CERT1: variants seen among roughly 807,000 people sequenced by gnomAD.
CERT1 encodes the protein ceramide transporter 1.
Under a neutral mutation model 87.9 loss-of-function variants are expected in CERT1, and 31 were observed. The observed-to-expected ratio is 0.35, with a 90% CI of 0.27 to 0.48. CERT1 has a LOEUF of 0.48. Among genes scored for constraint, CERT1 ranks in the 20% least tolerant of loss-of-function variants. The pLI is 0.99. For missense variants in CERT1, 487 were observed against 758.0 expected (o/e 0.64, Z 4.20); for synonymous variants, 289 against 250.9 (o/e 1.15, Z -1.44).
chr5:75,387,706 C>A (rs899295790), intron 12 of CERT1, among the ~76,000 whole-genome samples: 3 of 150,850 alleles, frequency 2.0e-5, no homozygotes, highest in African/African-American at 7.3e-5. Context: ...CATGCCATTG[C>A]ACTCCAGCCT....
At chr5:75,465,322 T>C (rs1765413766) in intron 2 of CERT1, among the ~76,000 whole-genome samples, 1 of 152,224 alleles carries the variant, frequency 6.6e-6, no homozygotes, top group African/African-American at 2.4e-5. Context: ...GGATATCTGA[T>C]AATTTCCAAA....
intron 2 of CERT1, among the ~76,000 whole-genome samples, chr5:75,493,326 A>T (rs1221441456): frequency 6.6e-6 from 1 of 152,242 alleles, no homozygotes; most frequent in African/African-American, 2.4e-5. Context: ...TTTCATCTGT[A>T]GACATGTAAG....
chr5:75,402,799 CAAA>C (rs77625109), intron 9 of CERT1, 170 bp downstream of exon 9: 996 of 331,504 alleles, frequency 3.0e-3, no homozygotes, highest in South Asian at 4.9e-3. Flanking sequence ...GACTCTGTCT[CAAA>C]AAAAAAAAAA....
chr5:75,472,139 A>C (rs979233272), intron 2 of CERT1, among the ~76,000 whole-genome samples: 1 of 152,192 alleles, frequency 6.6e-6, no homozygotes, highest in Admixed American at 6.5e-5. Flanking sequence ...ACAACCAACT[A>C]ATTTTTGACA....
intron 3 of CERT1, among the ~76,000 whole-genome samples, chr5:75,443,228 A>G (rs1343219878): frequency 6.6e-6 from 1 of 152,028 alleles, no homozygotes; most frequent in Non-Finnish European, 1.5e-5. Context: ...TTCAGCTCAC[A>G]TCTTTATTAT....
intron 5 of CERT1, 50 bp downstream of exon 5, chr5:75,425,311 T>G (rs758189414): frequency 1.2e-5 from 18 of 1,557,706 alleles, no homozygotes; most frequent in Non-Finnish European, 1.6e-5. Context: ...TCAAGAGGCT[T>G]TTAATCCATT....
chr5:75,460,367 A>C (rs1014670768), intron 2 of CERT1, among the ~76,000 whole-genome samples: 1 of 152,174 alleles, frequency 6.6e-6, no homozygotes, highest in Non-Finnish European at 1.5e-5. Context: ...TAAAGGAAAA[A>C]AATAAAATGA....
At chr5:75,432,531 G>A (rs1023785059) in intron 3 of CERT1, among the ~76,000 whole-genome samples, 16 of 152,304 alleles carry the variant, frequency 1.1e-4, no homozygotes, top group African/African-American at 3.9e-4. Flanking sequence ...GTCTGTTCAT[G>A]TCCTTTGCCC....
intron 2 of CERT1, among the ~76,000 whole-genome samples, chr5:75,490,507 ATTTTTTT>A (rs374291367): frequency 3.3e-5 from 5 of 150,366 alleles, no homozygotes; most frequent in South Asian, 2.1e-4. Flanking sequence ...TTATTTATTT[ATTTTTTT>A]TTGAGACAGA....
At chr5:75,495,725 T>C (rs746867893) in intron 2 of CERT1, among the ~76,000 whole-genome samples, 2 of 152,050 alleles carry the variant, frequency 1.3e-5, no homozygotes, top group African/African-American at 2.4e-5. Context: ...GCAGATCCAA[T>C]ATAAAAAATA....
intron 12 of CERT1, 47 bp downstream of exon 12, chr5:75,389,545 G>T (rs756763391): frequency 1.4e-6 from 2 of 1,430,606 alleles, no homozygotes; most frequent in South Asian, 1.1e-5. Flanking sequence ...TAATATGACT[G>T]AAACAGAGAC....
intron 3 of CERT1, among the ~76,000 whole-genome samples, chr5:75,450,460 T>C (rs1348475203): frequency 1.3e-5 from 2 of 152,208 alleles, no homozygotes; most frequent in Non-Finnish European, 2.9e-5. Flanking sequence ...TGTATTTCTT[T>C]GACATATTTT....
intron 8 of CERT1, among the ~76,000 whole-genome samples, chr5:75,405,773 TA>T (rs1762678496): frequency 6.8e-6 from 1 of 146,632 alleles, no homozygotes. Flanking sequence ...ATTGTTAAAA[TA>T]AAAATTAAAC....
At chr5:75,438,024 T>C (rs976617504) in intron 3 of CERT1, among the ~76,000 whole-genome samples, 1 of 152,076 alleles carries the variant, frequency 6.6e-6, no homozygotes, top group African/African-American at 2.4e-5. Flanking sequence ...GTTCCTATCA[T>C]AACCATATTG....
At chr5:75,370,854 AG>A (rs1367450373) in intron 17 of CERT1, 13 of 150,874 alleles carry the variant, frequency 8.6e-5, no homozygotes, top group East Asian at 3.9e-4. Flanking sequence ...CAGGAGGCTG[AG>A]GCACAAGAAT....
At chr5:75,405,016 AAAC>A (rs61610976) in intron 8 of CERT1, among the ~76,000 whole-genome samples, 2,395 of 151,842 alleles carry the variant, frequency 0.016, 32 homozygotes, top group Middle Eastern at 0.041. Flanking sequence ...ACTCAGTCTC[AAAC>A]AACAACAACA....
At chr5:75,407,971 T>G (rs1049795347) in intron 8 of CERT1, among the ~76,000 whole-genome samples, 2 of 151,960 alleles carry the variant, frequency 1.3e-5, no homozygotes, top group Admixed American at 1.3e-4. Flanking sequence ...TTAATTACTG[T>G]ATATGCACAT....
At chr5:75,376,511 G>C (rs1463810770), downstream of CERT1, 1 of 152,204 alleles carries the variant, frequency 6.6e-6, no homozygotes, top group African/African-American at 2.4e-5. Flanking sequence ...TGATAAGCCT[G>C]TTGCTGTCAC....
At chr5:75,385,800 T>C (rs1270945858) in intron 13 of CERT1, 102 bp downstream of exon 13, 1 of 893,352 alleles carries the variant, frequency 1.1e-6, no homozygotes, top group East Asian at 3.2e-5. Context: ...AAATACTTTC[T>C]ACGTTGACTT....
Sources: gnomAD v4.1 joint callset for allele counts (sites outside exome capture counted in the v4.1 genomes callset) on GRCh38, gnomAD v4.1.1 for gene constraint, MANE v1.5 for transcripts, NCBI Gene and HGNC (gene_info 2026-07-23, HGNC 2026-07-21) for gene names.